The following PTGER4 variants were observed in gnomAD, a reference collection of about 807,000 sequenced individuals.
PTGER4 encodes prostaglandin E2 receptor EP4 subtype.
In PTGER4, 11 loss-of-function variants were observed where a neutral mutation model predicts 33.2. The observed-to-expected ratio is 0.33, with a 90% confidence interval of 0.21 to 0.55. The LOEUF (loss-of-function observed/expected upper bound fraction) is 0.55, where lower values mean the gene tolerates loss of function less well. Among genes scored for constraint, PTGER4 ranks in the 20% least tolerant of loss-of-function variants. PTGER4 has a pLI of 0.92. For synonymous variants in PTGER4, 275 were observed against 281.5 expected, an observed-to-expected ratio of 0.98 and a Z score of 0.23; for missense variants, 481 against 650.2, an observed-to-expected ratio of 0.74 and a Z score of 2.83.
the PTGER4 span, among the ~76,000 whole-genome samples, chr5:40,726,394 A>G: frequency 0.69 from 104,138 of 151,156 alleles, 35,932 homozygotes; most frequent in East Asian, 0.8. Context: ...ATTGTTAGAT[A>G]TTAGAAATTC....
chr5:40,717,289 T>C, the PTGER4 span, among the ~76,000 whole-genome samples: 3 of 150,644 alleles, frequency 2.0e-5, no homozygotes, highest in Middle Eastern at 3.2e-3. Flanking sequence ...AATAATCATA[T>C]GAAGTAGGTA....
rs531145378 is a variant in PTGER4 at position 40,681,963 on chromosome 5, G to A, written c.867+103G>A. On this transcript the variant is annotated intron_variant, in intron 2 of 2. Coordinates refer to ENST00000302472, the MANE Select transcript of PTGER4 (RefSeq NM_000958.3). This position sits in a 1 kb window ranked among gnomAD's most constrained non-coding sequence, Gnocchi z 9.8. ...TCCCTCTGAGTCCTTGGCAGTGAAC[G>A]TGTCGCCTTTAGGTCGGGGCTGGGA... The A allele has an allele frequency of 7.3e-6, 10 of 1,366,918 alleles. No homozygotes were observed. The African/African-American group carries it at 9.2e-5, about 13-fold the overall frequency. The allele number at this position is 1,366,918 out of a possible 1,614,324, so 84.7% of individuals were successfully genotyped here.
chr5:40,725,972 A>T, the PTGER4 span, among the ~76,000 whole-genome samples: 1 of 151,562 alleles, frequency 6.6e-6, no homozygotes, highest in South Asian at 2.1e-4. Context: ...TTTTTAGTAG[A>T]GACGGGGTTT....
the PTGER4 span, among the ~76,000 whole-genome samples, chr5:40,699,187 T>C: frequency 1.6e-5 from 2 of 123,416 alleles, no homozygotes; most frequent in African/African-American, 6.0e-5. Flanking sequence ...CCTTTAAAGA[T>C]AAGTTGGAAA....
the PTGER4 span, among the ~76,000 whole-genome samples, chr5:40,703,662 T>TG: frequency 6.6e-6 from 1 of 151,958 alleles, no homozygotes; most frequent in Admixed American, 6.6e-5. Context: ...CCCAGCACTT[T>TG]GGGAGGCCGA....
downstream of PTGER4, among the ~76,000 whole-genome samples, chr5:40,695,684 C>T (rs967431037): frequency 2.6e-5 from 4 of 152,184 alleles, no homozygotes; most frequent in Admixed American, 2.6e-4. Flanking sequence ...GAACTCCAGC[C>T]TGGGCGACAG....
At position 40,693,265 on chromosome 5, in the gene PTGER4, A is replaced by C. The variant is rs1275896117; in HGVS notation, c.*887A>C. 1.0e-6 allele frequency: 1 copy of C among 979,808 alleles called. No homozygotes were observed. The highest frequency in any genetic ancestry group is 6.2e-5 in the Admixed American group (1 of 16,254). 60.7% of individuals were successfully genotyped at this position (979,808 alleles called of 1,614,324 possible). A position where few individuals can be genotyped will look rare whatever the true frequency, so the allele number is the denominator to read the frequency against. On this transcript the variant is annotated 3_prime_UTR_variant, in exon 3 of 3. Coordinates refer to ENST00000302472, the MANE Select transcript of PTGER4 (RefSeq NM_000958.3). ...TTGGTACTTTTAAAAACATAACATA[A>C]ATTTTTTGAAGTCTTTAATAAATAA... is the stretch of plus-strand genomic sequence containing the variant.
At chr5:40,734,603 A>G in the PTGER4 span, among the ~76,000 whole-genome samples, 3 of 152,174 alleles carry the variant, frequency 2.0e-5, no homozygotes, top group Non-Finnish European at 4.4e-5. Flanking sequence ...CCAAATAGAA[A>G]TGTCAATGTG....
At chr5:40,697,598 A>G (rs565194515), downstream of PTGER4, among the ~76,000 whole-genome samples, 1 of 151,626 alleles carries the variant, frequency 6.6e-6, no homozygotes, top group Non-Finnish European at 1.5e-5. Context: ...AAAAAACAAA[A>G]AAACAAAGAA....
chr5:40,695,540 TCTCAAAAA>T (rs1741570586), downstream of PTGER4, among the ~76,000 whole-genome samples: 2 of 146,168 alleles, frequency 1.4e-5, no homozygotes, highest in Non-Finnish European at 3.0e-5. Context: ...AGCGAGACTG[TCTCAAAAA>T]AAATAAAAAA....
the PTGER4 span, among the ~76,000 whole-genome samples, chr5:40,738,673 T>C: frequency 6.6e-6 from 1 of 151,986 alleles, no homozygotes; most frequent in African/African-American, 2.4e-5. Flanking sequence ...GAGCAATGTA[T>C]AAAAGTTTAA....
Position 40,691,596 on chromosome 5 carries a change from G to A in PTGER4, c.868-183G>A, listed in dbSNP as rs753428234. On this transcript the variant is annotated intron_variant, in intron 2 of 2. Transcript: ENST00000302472. The surrounding 1 kb of genome is among the most constrained non-coding windows in gnomAD (Gnocchi z 4.2). ...CTCCCAAAGTGCTGGGATTACAGGC[G>A]TGAGCCACCGTGCCCAGCCCATGAC... Among the ~76,000 whole-genome samples the A allele has an allele frequency of 9.2e-5, 14 of 152,234 alleles. No individual in the cohort carries two copies. The highest frequency in any genetic ancestry group is 2.1e-4 in the South Asian group (1 of 4,838).
chr5:40,680,527 G>T lies in PTGER4; in HGVS notation c.-44+49G>T. 6.3e-6 allele frequency: 1 copy of T among 159,162 alleles called. No homozygotes were observed. Among genetic ancestry groups the T allele is most frequent in the South Asian group, 1.7e-4 (1 of 5,820 alleles). 9.9% of individuals were successfully genotyped at this position (159,162 alleles called of 1,614,324 possible). On this transcript the variant is annotated intron_variant, in intron 1 of 2. Transcript: ENST00000302472. The surrounding 1 kb of genome is among the most constrained non-coding windows in gnomAD (Gnocchi z 5.5). ...TGGGGTCAACGGGTAGAGAACGCAGGGATGCGGCCCTCGCCGAAGAGAGCC... is the reference window on the plus strand; with the variant it reads ...TGGGGTCAACGGGTAGAGAACGCAGTGATGCGGCCCTCGCCGAAGAGAGCC...
chr5:40,728,954 A>T, the PTGER4 span, among the ~76,000 whole-genome samples: 1 of 152,168 alleles, frequency 6.6e-6, no homozygotes, highest in Non-Finnish European at 1.5e-5. Flanking sequence ...AACCATACAT[A>T]CTAGGAAGGT....
chr5:40,690,694 G>C (rs954765781), intron 2 of PTGER4, among the ~76,000 whole-genome samples: 4 of 152,132 alleles, frequency 2.6e-5, no homozygotes, highest in African/African-American at 9.7e-5. Context: ...AAAGAATCTT[G>C]GCCTTATTCT....
downstream of PTGER4, chr5:40,693,827 A>T: frequency 1.5e-6 from 1 of 646,188 alleles, no homozygotes; most frequent in Non-Finnish European, 1.9e-6. Flanking sequence ...ATTTTTTTAA[A>T]ATTTATTGTG....
At chr5:40,695,533 G>A (rs1046024952), downstream of PTGER4, among the ~76,000 whole-genome samples, 1 of 151,700 alleles carries the variant, frequency 6.6e-6, no homozygotes. Context: ...GCGACACAGC[G>A]AGACTGTCTC....
chr5:40,700,299 G>A, the PTGER4 span, among the ~76,000 whole-genome samples: 28 of 152,196 alleles, frequency 1.8e-4, no homozygotes, highest in Non-Finnish European at 1.2e-4. Context: ...AGCCACCCCC[G>A]ACCCAGAGCT....
chr5:40,737,278 C>G, the PTGER4 span, among the ~76,000 whole-genome samples: 1 of 148,976 alleles, frequency 6.7e-6, no homozygotes, highest in African/African-American at 2.5e-5. Flanking sequence ...GCCGCCTGGG[C>G]AACAGAGTGA....
Sources: allele counts gnomAD v4.1 joint callset (sites outside exome capture counted in the v4.1 genomes callset), GRCh38; gene constraint gnomAD v4.1.1; non-coding constraint Gnocchi (gnomAD v3.1); transcripts MANE v1.5; gene names NCBI Gene and HGNC (gene_info 2026-07-23, HGNC 2026-07-21).